Variants in MYH1 observed in about 807,000 individuals in gnomAD.
MYH1 encodes the protein myosin heavy chain 1.
A neutral mutation model predicts 225.6 loss-of-function variants in MYH1; 214 were observed. The observed-to-expected ratio is 0.95, with a 90% CI of 0.85 to 1.06. The LOEUF is 1.06. MYH1 is among the 50% of genes least tolerant of loss of function. The probability of loss-of-function intolerance (pLI) is 0.00; values close to 1 mark genes in which losing one functional copy is unlikely to be tolerated. For synonymous variants in MYH1, 774 were observed against 842.3 expected (o/e 0.92, Z 1.40); for missense variants, 2,098 against 2,344.2 (o/e 0.89, Z 2.17).
rs1185499865 is a variant in MYH1 at position 10,502,591 on chromosome 17, TAG to T, written c.3111+145_3111+146del. 3 of 1,228,626 alleles carry T rather than the reference TAG, an allele frequency of 2.4e-6. No homozygotes were observed. The Admixed American group carries it at 6.3e-5, about 26-fold the overall frequency. The allele number at this position is 1,228,626 out of a possible 1,614,324, so 76.1% of individuals were successfully genotyped here. On this transcript the variant is annotated intron_variant, in intron 24 of 39. Transcript: ENST00000226207. The stretch of plus-strand genomic sequence containing the variant: ...TAAAAACTTTATTGTGTGTACATCT[TAG>T]ACCTTGTAATAGGGATGATGTTCCA...
rs555367957 is a variant in MYH1 at position 10,496,516 on chromosome 17, G to A, written c.4690C>T (p.Arg1564Cys). Residue 1564 changes from arginine to cysteine, a missense_variant, in exon 34 of 40, where the codon CGC becomes TGC. By Grantham distance (180) the Arg-to-Cys change is radical. Transcript: ENST00000226207. ...SLEHEEGKIL[R>C]IQLELNQVKS... Reference sequence around the variant, plus strand: ...ACTTGGTTCAACTCAAGCTGGATGCGCAGGATCTTTCCCTCTTCATGTTCA... The same window carrying A: ...ACTTGGTTCAACTCAAGCTGGATGCACAGGATCTTTCCCTCTTCATGTTCA... 3.3e-5 allele frequency: 53 copies of A among 1,614,030 alleles called. No homozygotes were observed. Among genetic ancestry groups the A allele is most frequent in the East Asian group, 1.6e-4 (7 of 44,866 alleles).
intron 12 of MYH1, 30 bp downstream of exon 12, chr17:10,512,378 A>G (rs2073179339): frequency 6.2e-7 from 1 of 1,614,112 alleles, no homozygotes; most frequent in Non-Finnish European, 8.5e-7. Context: ...ATATTCTCTC[A>G]TTAAACCCAG....
At chr17:10,513,020 G>T in intron 9 of MYH1, 55 bp from the exon 10 acceptor site, 1 of 1,214,498 alleles carries the variant, frequency 8.2e-7, no homozygotes, top group South Asian at 1.3e-5. Flanking sequence ...ATGTCCTGGA[G>T]TGATTTGAGG....
intron 15 of MYH1, among the ~76,000 whole-genome samples, chr17:10,509,102 C>G (rs1322776354): frequency 6.6e-6 from 1 of 152,138 alleles, no homozygotes; most frequent in East Asian, 1.9e-4. Context: ...CTTGGTGGGT[C>G]TTTCGCACAC....
chr17:10,496,272 C>A lies in MYH1; in HGVS notation c.4934G>T (p.Arg1645Met). ...HANRMAAEAL[R>M]NYRNTQAILK... ...GATGGCTTGGGTGTTCCTATAGTTC[C>A]TCAGGGCCTCAGCAGCCATGCGGTT... Residue 1645 changes from arginine (R) to methionine (M), a missense_variant, in exon 34 of 40, where the codon AGG becomes ATG. Transcript: ENST00000226207. 1 of 1,614,098 alleles carries A rather than the reference C, an allele frequency of 6.2e-7. No homozygotes were observed. Among genetic ancestry groups the A allele is most frequent in the Non-Finnish European group, 8.5e-7 (1 of 1,180,022 alleles).
rs761094305 is a variant in MYH1, at chr17:10,496,452, T to C, written c.4754A>G (p.Glu1585Gly). The change falls in exon 34 of 40, where the codon GAG becomes GGG. Residue 1585 changes from glutamate to glycine, a missense_variant. Transcript: ENST00000226207. ...EVDRKIAEKD[E>G]EIDQMKRNHI... ...GTTTCTCTTCATCTGGTCAATTTCC[T>C]CATCTTTTTCAGCAATTTTCCTATC... 11 of 1,613,976 alleles carry C rather than the reference T, an allele frequency of 6.8e-6. No individual in the cohort carries two copies. In the South Asian group the frequency reaches 1.2e-4, roughly 18 times the overall value.
chr17:10,494,475 T>A, intron 38 of MYH1, 26 bp from the exon 39 acceptor site: 1 of 1,610,490 alleles, frequency 6.2e-7, no homozygotes, highest in Non-Finnish European at 8.5e-7. Context: ...CAAGAGTAAG[T>A]TTCTTGAAAG....
At chr17:10,503,624 G>A (rs2070634861) in intron 22 of MYH1, among the ~76,000 whole-genome samples, 1 of 152,154 alleles carries the variant, frequency 6.6e-6, no homozygotes, top group Non-Finnish European at 1.5e-5. Context: ...TATCAGAAAA[G>A]TGCCTTAACA....
In MYH1 at chr17:10,499,056, A is replaced by G. The variant is rs1311641189; in HGVS notation, c.3902T>C (p.Leu1301Pro). 6.2e-7 allele frequency: 1 copy of G among 1,614,146 alleles called. No homozygotes were observed. Among genetic ancestry groups the G allele is most frequent in the Non-Finnish European group, 8.5e-7 (1 of 1,179,992 alleles). Residue 1301 changes from leucine to proline, a missense_variant, in exon 29 of 40, where the codon CTA becomes CCA. Physicochemically the swap from Leu to Pro is moderately conservative, Grantham distance 98. Transcript: ENST00000226207. ...YSRQLDEKDT[L>P]VSQLSRGKQA... The stretch of plus-strand genomic sequence containing the variant: ...TTTGCCCCTCGAGAGCTGTGAAACT[A>G]GTGTGTCCTTTTCATCTAGCTGGCG...
chr17:10,507,648 A>G (rs1417802425), intron 17 of MYH1, among the ~76,000 whole-genome samples: 1 of 152,112 alleles, frequency 6.6e-6, no homozygotes, highest in African/African-American at 2.4e-5. Context: ...GACTTCTGCA[A>G]TTCGCTTTCA....
At chr17:10,494,737 A>G in intron 37 of MYH1, 64 bp from the exon 38 acceptor site, 1 of 1,604,112 alleles carries the variant, frequency 6.2e-7, no homozygotes, top group Non-Finnish European at 8.5e-7. Flanking sequence ...CACATGACCC[A>G]CATACTTCTT....
rs772360342 is a variant in MYH1 at position 10,504,916 on chromosome 17, T to G, written c.2585A>C (p.Lys862Thr). The G allele has an allele frequency of 1.9e-6, 3 of 1,614,192 alleles. No individual in the cohort carries two copies. The South Asian group carries it at 3.3e-5, about 18-fold the overall frequency. ...EMANMKEEFE[K>T]TKEELAKTEA... Reference sequence around the variant, plus strand: ...GGTCTTAGCCAGCTCTTCTTTGGTTTTCTCAAATTCTTCCTTCATGTTGGC... The same window carrying G: ...GGTCTTAGCCAGCTCTTCTTTGGTTGTCTCAAATTCTTCCTTCATGTTGGC... The change falls in exon 22 of 40, where the codon AAA becomes ACA. Residue 862 changes from lysine (K) to threonine (T), a missense_variant. Lys to Thr is a moderately conservative substitution (Grantham distance 78). Transcript: ENST00000226207.
chr17:10,511,811 T>A (rs370903868), intron 14 of MYH1, 28 bp downstream of exon 14: 13 of 1,613,840 alleles, frequency 8.1e-6, no homozygotes, highest in African/African-American at 1.3e-5. Flanking sequence ...TTGGAAACTT[T>A]TTTGGTACAA....
Position 10,512,006 on chromosome 17 carries a change from G to T in MYH1, c.1267-18C>A. 1 of 1,613,834 alleles carries T rather than the reference G, an allele frequency of 6.2e-7. No individual in the cohort carries two copies. Among genetic ancestry groups the T allele is most frequent in the Non-Finnish European group, 8.5e-7 (1 of 1,179,738 alleles). On this transcript the variant is annotated intron_variant, in intron 13 of 39. Coordinates refer to ENST00000226207, the MANE Select transcript of MYH1 (RefSeq NM_005963.4). ...TTGTACACCTTCACAGATAAAGTTT[G>T]TTGGTGTTATTAAAGACATGTCATG...
At chr17:10,513,155 G>A (rs558412597) in intron 9 of MYH1, among the ~76,000 whole-genome samples, 190 bp from the exon 10 acceptor site, 1 of 152,122 alleles carries the variant, frequency 6.6e-6, no homozygotes, top group African/African-American at 2.4e-5. Context: ...GGAAAAAAGT[G>A]AAATATGCTT....
chr17:10,505,623 A>G (rs944246342), intron 19 of MYH1, 112 bp from the exon 20 acceptor site: 8 of 1,401,878 alleles, frequency 5.7e-6, no homozygotes, highest in Non-Finnish European at 7.7e-6. Flanking sequence ...ACAAGAAATC[A>G]TATCTACCCC....
At position 10,513,535 on chromosome 17, in the gene MYH1, A is replaced by G; in HGVS notation, c.805+91T>C. ...ATGTTTGGCAGCAGACTGGTGCTTTACAAGCTCCATGTTCAGCAGGAGCTG... is the reference window on the plus strand; with the variant it reads ...ATGTTTGGCAGCAGACTGGTGCTTTGCAAGCTCCATGTTCAGCAGGAGCTG... On this transcript the variant is annotated intron_variant, in intron 9 of 39. Coordinates refer to ENST00000226207, the MANE Select transcript of MYH1 (RefSeq NM_005963.4). 2.4e-6 allele frequency: 3 copies of G among 1,254,700 alleles called. No individual in the cohort carries two copies. In the East Asian group the frequency reaches 7.0e-5, roughly 29 times the overall value. 77.7% of individuals were successfully genotyped at this position (1,254,700 alleles called of 1,614,324 possible).
intron 2 of MYH1, among the ~76,000 whole-genome samples, chr17:10,517,096 C>G (rs1393805583): frequency 2.6e-5 from 4 of 152,182 alleles, no homozygotes; most frequent in African/African-American, 9.7e-5. Context: ...GAGCACTCTT[C>G]TTTTTATGGT....
At chr17:10,514,160 G>C (rs769234329) in intron 6 of MYH1, 36 bp from the exon 7 acceptor site, 1 of 1,607,298 alleles carries the variant, frequency 6.2e-7, no homozygotes, top group East Asian at 2.2e-5. Context: ...ATTAAGCACT[G>C]TGACAAATGA....
Sources: gnomAD v4.1 joint callset for allele counts (sites outside exome capture counted in the v4.1 genomes callset) on GRCh38, gnomAD v4.1.1 for gene constraint, MANE v1.5 for transcripts, NCBI Gene and HGNC (gene_info 2026-07-23, HGNC 2026-07-21) for gene names.